Variants in CASK observed in about 807,000 individuals in gnomAD.
CASK encodes peripheral plasma membrane protein CASK.
Under a neutral mutation model 82.9 loss-of-function variants are expected in CASK, and 4 were observed. That is an observed-to-expected ratio of 0.05 (90% confidence interval 0.02 to 0.11). CASK has a LOEUF of 0.11. CASK is among the 10% of genes least tolerant of loss of function. The pLI, the probability that CASK is intolerant of heterozygous loss-of-function variation, is 1.00. For missense variants in CASK, 358 were observed against 720.9 expected (o/e 0.50, Z 5.76); for synonymous variants, 259 against 253.5 (o/e 1.02, Z -0.20).
At chrX:41,615,042 G>A (rs2066169967) in intron 11 of CASK, among the ~76,000 whole-genome samples, 1 of 111,171 alleles carries the variant, frequency 9.0e-6, no homozygotes, top group African/African-American at 3.3e-5. Context: ...CTGAGCTAAA[G>A]CGATCCTTCT....
At chrX:41,657,663 C>T (rs1190815551) in intron 8 of CASK, among the ~76,000 whole-genome samples, 3 of 111,376 alleles carry the variant, frequency 2.7e-5, no homozygotes, top group Non-Finnish European at 3.8e-5. Context: ...GCTGGGATTA[C>T]AGGCACCTGC....
At chrX:41,797,600 T>C (rs1312339469) in intron 2 of CASK, among the ~76,000 whole-genome samples, 2 of 111,874 alleles carry the variant, frequency 1.8e-5, no homozygotes, top group Non-Finnish European at 1.9e-5. Context: ...TATGTATCAC[T>C]GAATCAGAGA....
At chrX:41,691,160 C>T (rs752812166) in intron 5 of CASK, among the ~76,000 whole-genome samples, 5 of 112,040 alleles carry the variant, frequency 4.5e-5, no homozygotes, top group Non-Finnish European at 7.5e-5. Flanking sequence ...CAGATTAGAG[C>T]TGAGGCAAAT....
chrX:41,695,804 A>G (rs911120046), intron 5 of CASK: 2 of 1,204,723 alleles, frequency 1.7e-6, no homozygotes, highest in African/African-American at 3.5e-5. Flanking sequence ...CTACTGTGTT[A>G]ACCACATCCT....
At chrX:41,676,305 T>G in intron 5 of CASK, 9 of 1,197,532 alleles carry the variant, frequency 7.5e-6, no homozygotes, top group Non-Finnish European at 1.0e-5. Context: ...TGTTCAATAC[T>G]TGAGACGACC....
intron 2 of CASK, among the ~76,000 whole-genome samples, chrX:41,802,127 A>T (rs2070012027): frequency 8.9e-6 from 1 of 111,732 alleles, no homozygotes; most frequent in Non-Finnish European, 1.9e-5. Flanking sequence ...TTCCCTCTTA[A>T]TATTTTTCTG....
Position 41,916,205 on chromosome X carries a change from C to T in CASK, c.59+6725G>A, listed in dbSNP as rs760798710. On this transcript the variant is annotated intron_variant, in intron 1 of 26. Coordinates refer to ENST00000378163, the MANE Select transcript of CASK (RefSeq NM_001367721.1). ...AAAAGAAAATAAAATTTACTACGTG[C>T]ATCATTACTTTTATAATTTACTGTA... Among the ~76,000 whole-genome samples the T allele has an allele frequency of 5.4e-4, 61 of 112,474 alleles. 1 individual carries two copies. Among genetic ancestry groups the T allele is most frequent in the Non-Finnish European group, 1.3e-4 (7 of 53,300 alleles).
At chrX:41,703,150 TATAA>T (rs2067830525) in intron 5 of CASK, among the ~76,000 whole-genome samples, 2 of 112,466 alleles carry the variant, frequency 1.8e-5, no homozygotes, top group South Asian at 7.2e-4. Flanking sequence ...TAATTTCACA[TATAA>T]ATAGTTTTTA....
chrX:41,686,068 G>A (rs2067433937), intron 5 of CASK, among the ~76,000 whole-genome samples: 1 of 111,510 alleles, frequency 9.0e-6, no homozygotes, highest in Admixed American at 9.5e-5. Flanking sequence ...ACAGGTCTGG[G>A]ATGAAGTCAG....
At chrX:41,659,533 C>T (rs1011648282) in intron 8 of CASK, among the ~76,000 whole-genome samples, 2 of 110,648 alleles carry the variant, frequency 1.8e-5, no homozygotes, top group East Asian at 2.8e-4. Flanking sequence ...GCCAACTTGG[C>T]GCAAATTCTT....
chrX:41,735,833 T>C (rs2068484795), intron 5 of CASK, among the ~76,000 whole-genome samples: 1 of 111,214 alleles, frequency 9.0e-6, no homozygotes, highest in Admixed American at 9.6e-5. Flanking sequence ...CATCTCAATG[T>C]GGCCTACTTT....
At chrX:41,797,882 T>A (rs891927596) in intron 2 of CASK, among the ~76,000 whole-genome samples, 1 of 111,889 alleles carries the variant, frequency 8.9e-6, no homozygotes, top group East Asian at 2.8e-4. Flanking sequence ...TAAAGACTTC[T>A]CAGAGAATGA....
chrX:41,727,401 T>C, intron 5 of CASK: 1 of 1,211,427 alleles, frequency 8.3e-7, no homozygotes, highest in South Asian at 1.8e-5. Flanking sequence ...TGCAAAAGGA[T>C]TCCTCGCAAG....
chrX:41,740,584 G>A (rs373453808), intron 4 of CASK, among the ~76,000 whole-genome samples: 84 of 111,445 alleles, frequency 7.5e-4, no homozygotes, highest in African/African-American at 2.6e-3. Flanking sequence ...TCTCTAGTTA[G>A]CATATGCATT....
At chrX:41,712,909 C>T (rs1038290438) in intron 5 of CASK, among the ~76,000 whole-genome samples, 1 of 111,413 alleles carries the variant, frequency 9.0e-6, no homozygotes, top group African/African-American at 3.3e-5. Context: ...GCTTTGACTC[C>T]CTATGATTTC....
At chrX:41,562,897 A>G (rs2065249701) in intron 16 of CASK, 1 of 108,029 alleles carries the variant, frequency 9.3e-6, no homozygotes. Context: ...CGTCTCTACT[A>G]AAATATAAAA....
chrX:41,770,288 CTATCTAT>C (rs1228701492), intron 3 of CASK, among the ~76,000 whole-genome samples: 10 of 98,640 alleles, frequency 1.0e-4, no homozygotes, highest in African/African-American at 2.7e-4. Context: ...ATCTATCTAT[CTATCTAT>C]CTACCTACCT....
At chrX:41,659,534 G>A (rs1276384325) in intron 8 of CASK, among the ~76,000 whole-genome samples, 3 of 110,688 alleles carry the variant, frequency 2.7e-5, no homozygotes, top group Non-Finnish European at 3.8e-5. Flanking sequence ...CCAACTTGGC[G>A]CAAATTCTTA....
chrX:41,920,848 C>CA (rs2148111738), intron 1 of CASK, among the ~76,000 whole-genome samples: 1 of 112,186 alleles, frequency 8.9e-6, no homozygotes, highest in Admixed American at 9.4e-5. Context: ...ATATAATTAA[C>CA]ATTTTAATCT....
Sources: allele counts gnomAD v4.1 joint callset (sites outside exome capture counted in the v4.1 genomes callset), GRCh38; gene constraint gnomAD v4.1.1; transcripts MANE v1.5; gene names NCBI Gene and HGNC (gene_info 2026-07-23, HGNC 2026-07-21).